HDAC7: variants seen among roughly 807,000 people sequenced by gnomAD.
The protein encoded by HDAC7 is histone deacetylase 7.
HDAC7 carries 26 observed loss-of-function variants against 115.5 expected under a neutral mutation model. That is an observed-to-expected ratio of 0.23 (90% CI 0.16 to 0.31). The LOEUF is 0.31. Ranked by LOEUF, HDAC7 falls within the 10% of genes least tolerant of loss-of-function variation. The probability of loss-of-function intolerance (pLI) is 1.00; values close to 1 mark genes in which losing one functional copy is unlikely to be tolerated. For missense variants in HDAC7, 1,068 were observed against 1,329.0 expected (o/e 0.80, Z 3.05); for synonymous variants, 564 against 550.9 (o/e 1.02, Z -0.33).
At chr12:47,796,448 G>C (rs890131821) in intron 7 of HDAC7, 150 bp from the exon 8 acceptor site, 1 of 545,236 alleles carries the variant, frequency 1.8e-6, no homozygotes, top group African/African-American at 2.0e-5. Flanking sequence ...TTTTGAGACA[G>C]AGTCTTGCTC....
At chr12:47,814,825 C>T (rs983448217) in intron 1 of HDAC7, among the ~76,000 whole-genome samples, 2 of 152,240 alleles carry the variant, frequency 1.3e-5, no homozygotes, top group African/African-American at 2.4e-5. Context: ...ATCAATGTCA[C>T]CTTCTTAGGC....
intron 2 of HDAC7, among the ~76,000 whole-genome samples, chr12:47,801,350 C>G (rs529861967): frequency 1.3e-5 from 2 of 152,362 alleles, no homozygotes; most frequent in South Asian, 4.1e-4. Flanking sequence ...ATCAGTGTCT[C>G]TCCTAAAATG....
At chr12:47,818,417 C>A (rs1050215523) in intron 1 of HDAC7, among the ~76,000 whole-genome samples, 9 of 152,226 alleles carry the variant, frequency 5.9e-5, no homozygotes, top group Admixed American at 2.0e-4. Flanking sequence ...TAGTTTCCCT[C>A]AGAAATGACT....
At position 47,785,556 on chromosome 12, in the gene HDAC7, G is replaced by A. The variant is rs765212667; in HGVS notation, c.2707-85C>T. On this transcript the variant is annotated intron_variant, in intron 23 of 25. Coordinates refer to ENST00000080059, the MANE Select transcript of HDAC7 (RefSeq NM_015401.5). ...CCACCCCAGGGGCCCCAGCCTTCTA[G>A]CCACAAGCACACTCTACCTAGGCCA... The A allele has an allele frequency of 4.2e-6, 6 of 1,428,808 alleles. No individual in the cohort carries two copies. The African/African-American group carries it at 7.1e-5, about 17-fold the overall frequency. The allele number at this position is 1,428,808 out of a possible 1,614,324, so 88.5% of individuals were successfully genotyped here. A position where few individuals can be genotyped will look rare whatever the true frequency, so the allele number is the denominator to read the frequency against.
chr12:47,788,114 A>G lies in HDAC7; in HGVS notation c.2286T>C (p.Ser762=). ...GTQQTFYQDP[S]VLYISLHRHD... Reference sequence around the variant, plus strand: ...GGCGATGCAGGGAGATGTAGAGCACACTGGGGTCTTGGTAGAAGGTTTGCT... The same window carrying G: ...GGCGATGCAGGGAGATGTAGAGCACGCTGGGGTCTTGGTAGAAGGTTTGCT... Residue 762 remains serine (S), a synonymous_variant, in exon 20 of 26, where the codon AGT becomes AGC. Transcript: ENST00000080059. 3.7e-6 allele frequency: 6 copies of G among 1,613,636 alleles called. No individual in the cohort carries two copies. Among genetic ancestry groups the G allele is most frequent in the African/African-American group, 1.3e-5 (1 of 75,032 alleles).
chr12:47,794,511 G>C (rs558747995), intron 12 of HDAC7, among the ~76,000 whole-genome samples: 1 of 152,340 alleles, frequency 6.6e-6, no homozygotes, highest in East Asian at 1.9e-4. Flanking sequence ...CTCCTTCCTG[G>C]AAAAGGGACA....
chr12:47,791,700 G>A lies in HDAC7; in HGVS notation c.1819C>T (p.Arg607Ter), dbSNP rs1410658868. ...TCTTCCAGGGAGGCCTTCCGGCCTC[G>A]GAGACACTGAAAAGGGGACCACAGA... ...RGLRSQCECL[R>*]GRKASLEELQ... Residue 607 changes from arginine to a stop codon, truncating the protein, a stop_gained, in exon 15 of 26, where the codon CGA becomes TGA. Transcript: ENST00000080059. LOFTEE classifies it high-confidence loss of function. 1.2e-6 allele frequency: 2 copies of A among 1,613,588 alleles called. No homozygotes were observed. The highest frequency in any genetic ancestry group is 1.7e-6 in the Non-Finnish European group (2 of 1,179,908).
At position 47,793,181 on chromosome 12, in the gene HDAC7, G is replaced by A. The variant is rs933656585; in HGVS notation, c.1678+188C>T. 10 of 523,318 alleles carry A rather than the reference G, an allele frequency of 1.9e-5. No homozygotes were observed. Among genetic ancestry groups the A allele is most frequent in the South Asian group, 3.2e-5 (1 of 31,074 alleles). 32.4% of individuals were successfully genotyped at this position (523,318 alleles called of 1,614,324 possible). On this transcript the variant is annotated intron_variant, in intron 13 of 25. Transcript: ENST00000080059. The surrounding 1 kb of genome is among the most constrained non-coding windows in gnomAD (Gnocchi z 4.5). ...CCACAGGCTTGTCACCTTAGATTTC[G>A]TGAGCCTTGGTCCTCATCGGCCAAA...
chr12:47,813,743 C>CG (rs1555145282), intron 1 of HDAC7, among the ~76,000 whole-genome samples: 2 of 152,142 alleles, frequency 1.3e-5, no homozygotes, highest in Non-Finnish European at 2.9e-5. Context: ...GCCTGGGAGT[C>CG]GGGAAGAGCA....
At chr12:47,807,697 C>T (rs765628499) in intron 1 of HDAC7, among the ~76,000 whole-genome samples, 3 of 152,032 alleles carry the variant, frequency 2.0e-5, no homozygotes, top group African/African-American at 7.2e-5. Context: ...CCCAGCCCTG[C>T]GCAGGTGAGA....
Position 47,793,227 on chromosome 12 carries a change from T to A in HDAC7, c.1678+142A>T. 7 of 615,978 alleles carry A rather than the reference T, an allele frequency of 1.1e-5. No homozygotes were observed. The highest frequency in any genetic ancestry group is 1.6e-5 in the Non-Finnish European group (6 of 365,940). The allele number at this position is 615,978 out of a possible 1,614,324, so 38.2% of individuals were successfully genotyped here. A position where few individuals can be genotyped will look rare whatever the true frequency, so the allele number is the denominator to read the frequency against. On this transcript the variant is annotated intron_variant, in intron 13 of 25. Coordinates refer to ENST00000080059, the MANE Select transcript of HDAC7 (RefSeq NM_015401.5). This position sits in a 1 kb window ranked among gnomAD's most constrained non-coding sequence, Gnocchi z 4.5. ...CCAAATGCAATAACCAGCTGTTCCA[T>A]GTGCTCCATGGGTACTACGTGGGCC...
At chr12:47,799,361 C>T (rs996567291) in intron 2 of HDAC7, among the ~76,000 whole-genome samples, 2 of 152,186 alleles carry the variant, frequency 1.3e-5, no homozygotes, top group Non-Finnish European at 2.9e-5. Context: ...CTTCATCCCT[C>T]CCTGGAATCA....
chr12:47,791,230 GC>G, intron 16 of HDAC7, 28 bp downstream of exon 16: 4 of 1,575,760 alleles, frequency 2.5e-6, no homozygotes, highest in East Asian at 2.4e-5. Context: ...CCCTGGCAAC[GC>G]CCCCCTGAGA....
Position 47,787,701 on chromosome 12 carries a change from A to G in HDAC7, c.2453+11T>C. ...GGTGGACTTGCCCCTCTGGGCCCCC[A>G]GAGCACGTACCTGAAAGCAGCCAGG... On this transcript the variant is annotated intron_variant, in intron 21 of 25. Transcript: ENST00000080059. 6.3e-7 allele frequency: 1 copy of G among 1,596,208 alleles called. No homozygotes were observed.
chr12:47,818,890 G>T (rs1226593401), intron 1 of HDAC7, among the ~76,000 whole-genome samples: 1 of 152,214 alleles, frequency 6.6e-6, no homozygotes, highest in Non-Finnish European at 1.5e-5. Context: ...AGCAATGGGG[G>T]TGGGGCACTG....
intron 7 of HDAC7, among the ~76,000 whole-genome samples, chr12:47,796,714 G>A (rs369464613): frequency 1.3e-5 from 2 of 152,150 alleles, no homozygotes; most frequent in South Asian, 4.1e-4. Context: ...GTGAACCACC[G>A]CGCCCGGCCT....
At chr12:47,802,386 C>A (rs1360152286) in intron 1 of HDAC7, 112 bp from the exon 2 acceptor site, 8 of 1,538,454 alleles carry the variant, frequency 5.2e-6, no homozygotes, top group African/African-American at 2.7e-5. Flanking sequence ...CTTGAGCACG[C>A]CAAAGCCTGG....
chr12:47,811,953 G>A (rs932334251), intron 1 of HDAC7, among the ~76,000 whole-genome samples: 6 of 152,210 alleles, frequency 3.9e-5, no homozygotes, highest in Admixed American at 6.5e-5. Flanking sequence ...TTCCAGAGCC[G>A]CTGTGCTGGG....
intron 24 of HDAC7, chr12:47,784,880 C>T (rs1943079485): frequency 9.9e-7 from 1 of 1,009,110 alleles, no homozygotes; most frequent in African/African-American, 1.6e-5. Context: ...ATATGGGAAT[C>T]TATTTTACTC....
Sources: gnomAD v4.1 joint callset for allele counts (sites outside exome capture counted in the v4.1 genomes callset) on GRCh38, gnomAD v4.1.1 for gene constraint, Gnocchi (gnomAD v3.1) non-coding constraint, MANE v1.5 for transcripts, NCBI Gene and HGNC (gene_info 2026-07-23, HGNC 2026-07-21) for gene names.